The following COL4A2 variants were observed in gnomAD, a reference collection of about 807,000 sequenced individuals.
COL4A2 encodes collagen type IV alpha 2 chain.
A neutral mutation model predicts 200.2 loss-of-function variants in COL4A2; 99 were observed. The observed-to-expected ratio is 0.49, with a 90% confidence interval of 0.42 to 0.58. COL4A2 has a LOEUF of 0.58. COL4A2 is among the 20% of genes least tolerant of loss of function. COL4A2 has a pLI of 0.00. For synonymous variants in COL4A2, 897 were observed against 900.6 expected (o/e 1.00, Z 0.07); for missense variants, 1,950 against 2,314.1 (o/e 0.84, Z 3.23).
At chr13:110,347,380 G>C (rs570903423) in intron 3 of COL4A2, among the ~76,000 whole-genome samples, 1 of 152,200 alleles carries the variant, frequency 6.6e-6, no homozygotes, top group African/African-American at 2.4e-5. Context: ...CAGCAGCCCT[G>C]TGCAAGGGTG....
intron 4 of COL4A2, among the ~76,000 whole-genome samples, chr13:110,407,852 A>G (rs1424651034): frequency 6.6e-6 from 1 of 152,160 alleles, no homozygotes; most frequent in Admixed American, 6.5e-5. Context: ...GGGCCTTGCA[A>G]TTCACCGAGT....
intron 13 of COL4A2, 76 bp from the exon 14 acceptor site, chr13:110,437,926 C>T (rs1411487667): frequency 4.8e-5 from 57 of 1,179,364 alleles, no homozygotes; most frequent in Non-Finnish European, 6.8e-5. Context: ...CAGCTCATGT[C>T]ATGAACCCTG....
rs188851134 is a variant in COL4A2 at position 110,330,510 on chromosome 13, A to C, written c.99+22387A>C. ...GAAACTCCCCATCTGCCTGTTCACA[A>C]TTCATCTAAGCAACTCTGAAAAGAG... is the stretch of plus-strand genomic sequence containing the variant. On this transcript the variant is annotated intron_variant, in intron 3 of 47. Coordinates refer to ENST00000360467, the MANE Select transcript of COL4A2 (RefSeq NM_001846.4). 1.3e-4 allele frequency among the ~76,000 whole-genome samples: 20 copies of C among 152,286 alleles called. No individual in the cohort carries two copies. The East Asian group carries it at 3.7e-3, about 28-fold the overall frequency.
intron 17 of COL4A2, among the ~76,000 whole-genome samples, chr13:110,446,536 C>G (rs1200218530): frequency 6.6e-6 from 1 of 152,178 alleles, no homozygotes; most frequent in Non-Finnish European, 1.5e-5. Flanking sequence ...AGTCTCCTGG[C>G]ATTCGACAAG....
At chr13:110,312,977 C>T (rs756393074) in intron 3 of COL4A2, among the ~76,000 whole-genome samples, 3 of 152,146 alleles carry the variant, frequency 2.0e-5, no homozygotes, top group African/African-American at 7.2e-5. Context: ...TGTGCTAAGA[C>T]CTGTGAGGGT....
Position 110,307,899 on chromosome 13 carries a change from C to G in COL4A2, c.-5C>G. The G allele has an allele frequency of 6.2e-7, 1 of 1,612,308 alleles. No individual in the cohort carries two copies. Among genetic ancestry groups the G allele is most frequent in the African/African-American group, 1.3e-5 (1 of 75,056 alleles). ...ACCGGGGCCCAGAGTGGACGAACCG[C>G]CAGCATGGGGAGAGACCAGCGCGCG... On this transcript the variant is annotated 5_prime_UTR_variant, in exon 2 of 48. Transcript: ENST00000360467. The surrounding 1 kb of genome is among the most constrained non-coding windows in gnomAD (Gnocchi z 5.0).
intron 4 of COL4A2, among the ~76,000 whole-genome samples, chr13:110,364,535 TA>T (rs1453399709): frequency 6.6e-6 from 1 of 152,216 alleles, no homozygotes; most frequent in Non-Finnish European, 1.5e-5. Context: ...CACAATTTAT[TA>T]AAAGTCCCAC....
chr13:110,501,831 A>T (rs1186516695), intron 41 of COL4A2, 47 bp downstream of exon 41: 1 of 1,564,880 alleles, frequency 6.4e-7, no homozygotes, highest in Non-Finnish European at 8.8e-7. Flanking sequence ...TAGGGGCAGG[A>T]GCTGGCAATG....
intron 3 of COL4A2, among the ~76,000 whole-genome samples, chr13:110,335,790 C>G (rs1233788550): frequency 6.6e-6 from 1 of 152,148 alleles, no homozygotes; most frequent in Non-Finnish European, 1.5e-5. Flanking sequence ...TTACTAGATG[C>G]CTTTCTTCTA....
intron 22 of COL4A2, chr13:110,459,831 T>C (rs1358849340): frequency 6.6e-6 from 1 of 151,832 alleles, no homozygotes; most frequent in Non-Finnish European, 1.5e-5. Flanking sequence ...TGATTCAGCA[T>C]TGTTGGAAGG....
chr13:110,486,022 G>A (rs868502389), intron 34 of COL4A2, among the ~76,000 whole-genome samples, 186 bp downstream of exon 34: 5 of 152,232 alleles, frequency 3.3e-5, no homozygotes, highest in South Asian at 2.1e-4. Flanking sequence ...ATGCAGATGT[G>A]ATGTGAGTCC....
intron 3 of COL4A2, among the ~76,000 whole-genome samples, chr13:110,329,672 GC>G (rs1485266737): frequency 6.6e-6 from 1 of 152,206 alleles, no homozygotes; most frequent in African/African-American, 2.4e-5. Context: ...AAGAGCTGGT[GC>G]TGGAACCCTG....
rs1883222881 is a variant in COL4A2 at position 110,489,734 on chromosome 13, T to G, written c.3295T>G (p.Leu1099Val). 1 of 1,613,910 alleles carries G rather than the reference T, an allele frequency of 6.2e-7. No homozygotes were observed. The highest frequency in any genetic ancestry group is 1.3e-5 in the African/African-American group (1 of 74,914). ...DFGDIGDTIN[L>V]PGRPGLKGER... ...AGGTGACATCGGGGACACTATAAAT[T>G]TACCAGGAAGACCAGGCCTGAAGGG... Residue 1099 changes from leucine to valine, a missense_variant, in exon 36 of 48, where the codon TTA becomes GTA. By Grantham distance (32) the Leu-to-Val change is conservative. This residue lies in a region of COL4A2 where 1,385 missense variants were observed against 1,720.5 expected (regional missense o/e 0.80). Transcript: ENST00000360467.
chr13:110,422,496 G>A (rs936127312), intron 4 of COL4A2, among the ~76,000 whole-genome samples: 11 of 152,140 alleles, frequency 7.2e-5, no homozygotes, highest in East Asian at 1.9e-4. Context: ...GCTTCACCAC[G>A]ACTTAGGAGG....
At chr13:110,309,057 C>T (rs1168165413) in intron 3 of COL4A2, among the ~76,000 whole-genome samples, 1 of 152,212 alleles carries the variant, frequency 6.6e-6, no homozygotes, top group Admixed American at 6.5e-5. Context: ...CCCTCCTCAG[C>T]GCGCACTGTG....
intron 3 of COL4A2, among the ~76,000 whole-genome samples, chr13:110,356,925 C>T (rs1045133401): frequency 6.6e-6 from 1 of 152,100 alleles, no homozygotes; most frequent in Non-Finnish European, 1.5e-5. Flanking sequence ...GCCACCACGC[C>T]TGGCTAATTT....
intron 6 of COL4A2, among the ~76,000 whole-genome samples, chr13:110,426,925 G>C (rs1880491224): frequency 6.6e-6 from 1 of 151,828 alleles, no homozygotes; most frequent in Non-Finnish European, 1.5e-5. Flanking sequence ...TCTGCAAACA[G>C]ATCGAGAAGC....
At chr13:110,436,568 G>A (rs915919629) in intron 13 of COL4A2, among the ~76,000 whole-genome samples, 4 of 150,588 alleles carry the variant, frequency 2.7e-5, no homozygotes, top group Admixed American at 6.7e-5. Flanking sequence ...GTGCGATCCC[G>A]TCGTCAGTCC....
At chr13:110,323,538 A>G (rs11843709) in intron 3 of COL4A2, among the ~76,000 whole-genome samples, 13,326 of 152,224 alleles carry the variant, frequency 0.088, 1,906 homozygotes, top group African/African-American at 0.3. Context: ...GCCAGCCCAC[A>G]GGCTCCTCTC....
Sources: gnomAD v4.1 joint callset for allele counts (sites outside exome capture counted in the v4.1 genomes callset) on GRCh38, gnomAD v4.1.1 for gene constraint, gnomAD v4.1.1 regional missense constraint, Gnocchi (gnomAD v3.1) non-coding constraint, MANE v1.5 for transcripts, NCBI Gene and HGNC (gene_info 2026-07-23, HGNC 2026-07-21) for gene names.